CELF4: variants seen among roughly 807,000 people sequenced by gnomAD.
The protein encoded by CELF4 is CUG-BP- and ETR-3-like factor 4.
Under a neutral mutation model 59.9 loss-of-function variants are expected in CELF4, and 18 were observed. The ratio of observed to expected loss-of-function variants is 0.30; its 90% CI spans 0.21 to 0.45. The LOEUF (loss-of-function observed/expected upper bound fraction) is 0.45. Ranked by LOEUF, CELF4 falls within the 20% of genes least tolerant of loss-of-function variation. The pLI, the probability that CELF4 is intolerant of heterozygous loss-of-function variation, is 1.00. For missense variants in CELF4, 456 were observed against 689.0 expected (o/e 0.66, Z 3.79); for synonymous variants, 261 against 267.1 (o/e 0.98, Z 0.22).
At chr18:37,476,640 A>G (rs1387499848) in intron 2 of CELF4, among the ~76,000 whole-genome samples, 1 of 152,340 alleles carries the variant, frequency 6.6e-6, no homozygotes, top group African/African-American at 2.4e-5. Flanking sequence ...GGTCAACAAC[A>G]AAGACGTGTC....
intron 2 of CELF4, among the ~76,000 whole-genome samples, chr18:37,385,822 T>A (rs1347698226): frequency 6.6e-6 from 1 of 152,282 alleles, no homozygotes; most frequent in Non-Finnish European, 1.5e-5. Context: ...ACATGTGGAC[T>A]ATTTTCAATA....
chr18:37,524,542 C>CACTT (rs1195245293), intron 1 of CELF4, among the ~76,000 whole-genome samples: 2 of 152,234 alleles, frequency 1.3e-5, no homozygotes, highest in Admixed American at 1.3e-4. Flanking sequence ...ACTCAGCTCC[C>CACTT]ACTTCTTGTT....
intron 1 of CELF4, among the ~76,000 whole-genome samples, chr18:37,563,535 G>A (rs982484341): frequency 6.6e-6 from 1 of 152,078 alleles, no homozygotes; most frequent in African/African-American, 2.4e-5. Context: ...TTGATTGGAA[G>A]GGGAAAAACT....
chr18:37,502,644 C>G (rs73947258), intron 1 of CELF4, among the ~76,000 whole-genome samples: 2,786 of 152,204 alleles, frequency 0.018, 92 homozygotes, highest in African/African-American at 0.062. Flanking sequence ...AAAGGCAGCC[C>G]CTTGCCAGCT....
intron 1 of CELF4, among the ~76,000 whole-genome samples, chr18:37,527,525 CTACTT>C (rs1264613908): frequency 6.6e-6 from 1 of 152,164 alleles, no homozygotes; most frequent in Non-Finnish European, 1.5e-5. Context: ...ACAAAGAACT[CTACTT>C]AGTGAAGCTG....
At chr18:37,290,973 G>A (rs971719441) in intron 3 of CELF4, among the ~76,000 whole-genome samples, 6 of 152,186 alleles carry the variant, frequency 3.9e-5, no homozygotes, top group Admixed American at 6.5e-5. Flanking sequence ...ACAATGGCAT[G>A]ATCTTGGCTC....
intron 1 of CELF4, among the ~76,000 whole-genome samples, chr18:37,523,633 C>T (rs1395584202): frequency 6.6e-6 from 1 of 152,180 alleles, no homozygotes; most frequent in African/African-American, 2.4e-5. Flanking sequence ...GCAGCTCAGG[C>T]TGCGAGTGGA....
intron 3 of CELF4, among the ~76,000 whole-genome samples, chr18:37,314,075 C>T (rs2096774055): frequency 6.6e-6 from 1 of 152,204 alleles, no homozygotes; most frequent in African/African-American, 2.4e-5. Context: ...GCCTTCCTCA[C>T]CCTGCCCAGG....
At chr18:37,305,340 C>T (rs561568347) in intron 3 of CELF4, 1 of 152,134 alleles carries the variant, frequency 6.6e-6, no homozygotes, top group Non-Finnish European at 1.5e-5. Context: ...GTCTCCGCTC[C>T]ACATTCCACA....
At chr18:37,441,889 C>A (rs1163007074) in intron 2 of CELF4, among the ~76,000 whole-genome samples, 1 of 152,150 alleles carries the variant, frequency 6.6e-6, no homozygotes, top group Non-Finnish European at 1.5e-5. Flanking sequence ...AATCTCCACA[C>A]CTGAACTGCA....
chr18:37,272,428 T>C (rs1303076925), intron 7 of CELF4, among the ~76,000 whole-genome samples: 2 of 152,114 alleles, frequency 1.3e-5, no homozygotes, highest in African/African-American at 2.4e-5. Context: ...GACTGGACAA[T>C]AGCCAAGATT....
intron 2 of CELF4, among the ~76,000 whole-genome samples, chr18:37,398,595 C>T (rs2099275337): frequency 6.6e-6 from 1 of 152,128 alleles, no homozygotes. Context: ...GCAGCCCATC[C>T]CTCCATCTCA....
Position 37,498,842 on chromosome 18 carries a change from G to A in CELF4, c.287-13235C>T, listed in dbSNP as rs140524924. Reference sequence around the variant, plus strand: ...TCTGCTTTCTTCTGGGAGCCCTGGGGTAGTTTACAGAGTCTCTTCCAGAAT... The same window carrying A: ...TCTGCTTTCTTCTGGGAGCCCTGGGATAGTTTACAGAGTCTCTTCCAGAAT... On this transcript the variant is annotated intron_variant, in intron 1 of 12. Coordinates refer to ENST00000420428, the MANE Select transcript of CELF4 (RefSeq NM_020180.4). Among the ~76,000 whole-genome samples the A allele has an allele frequency of 8.9e-3, 1,352 of 152,252 alleles. 19 individuals carry two copies. The highest frequency in any genetic ancestry group is 0.031 in the African/African-American group (1,277 of 41,548).
intron 2 of CELF4, among the ~76,000 whole-genome samples, chr18:37,444,399 G>A (rs2154601318): frequency 6.6e-6 from 1 of 152,210 alleles, no homozygotes; most frequent in East Asian, 1.9e-4. Flanking sequence ...CCCTGAGAGA[G>A]GCAACCGTGG....
intron 2 of CELF4, among the ~76,000 whole-genome samples, chr18:37,325,959 G>T (rs2097295718): frequency 6.6e-6 from 1 of 152,200 alleles, no homozygotes; most frequent in Non-Finnish European, 1.5e-5. Flanking sequence ...TGTCAGTCTT[G>T]GTCGGGAAGA....
At chr18:37,322,066 C>T (rs2097142935) in intron 2 of CELF4, among the ~76,000 whole-genome samples, 185 bp from the exon 3 acceptor site, 5 of 152,248 alleles carry the variant, frequency 3.3e-5, no homozygotes, top group Admixed American at 3.3e-4. Flanking sequence ...CTCGACGGCA[C>T]GGCCCCATGG....
intron 2 of CELF4, among the ~76,000 whole-genome samples, chr18:37,401,299 G>A (rs1719404863): frequency 6.6e-6 from 1 of 152,246 alleles, no homozygotes; most frequent in South Asian, 2.1e-4. Flanking sequence ...GCCAGCTGAT[G>A]AAACCTTTCA....
intron 3 of CELF4, among the ~76,000 whole-genome samples, chr18:37,283,445 C>T (rs1341828125): frequency 6.6e-6 from 1 of 152,132 alleles, no homozygotes; most frequent in Non-Finnish European, 1.5e-5. Context: ...ACTCCATGCC[C>T]TCTGACCTCT....
At chr18:37,408,196 T>C (rs1178505058) in intron 2 of CELF4, among the ~76,000 whole-genome samples, 1 of 152,146 alleles carries the variant, frequency 6.6e-6, no homozygotes, top group Non-Finnish European at 1.5e-5. Context: ...ACTGATGGGC[T>C]GGGGAAGACA....
Sources: gnomAD v4.1 joint callset for allele counts (sites outside exome capture counted in the v4.1 genomes callset) on GRCh38, gnomAD v4.1.1 for gene constraint, MANE v1.5 for transcripts, NCBI Gene and HGNC (gene_info 2026-07-23, HGNC 2026-07-21) for gene names.